EPHA4: variants seen among roughly 807,000 people sequenced by gnomAD.
EPHA4 encodes EPH receptor A4.
EPHA4 carries 19 observed loss-of-function variants against 108.3 expected under a neutral mutation model. That is an observed-to-expected ratio of 0.18 (90% CI 0.12 to 0.26). The LOEUF is 0.26. Ranked by LOEUF, EPHA4 falls within the 10% of genes least tolerant of loss-of-function variation. The pLI is 1.00. For missense variants in EPHA4, 917 were observed against 1,254.0 expected, an observed-to-expected ratio of 0.73 and a Z score of 4.06; for synonymous variants, 449 against 455.5, an observed-to-expected ratio of 0.99 and a Z score of 0.18.
At chr2:221,530,096 T>C (rs3956796) in intron 3 of EPHA4, among the ~76,000 whole-genome samples, 152,203 of 152,276 alleles carry the variant, frequency 1, 76,066 homozygotes, top group Middle Eastern at 1. Flanking sequence ...GGGGATCAGA[T>C]CTCATTAGAT....
intron 15 of EPHA4, among the ~76,000 whole-genome samples, chr2:221,427,139 T>C (rs1689935931): frequency 6.6e-6 from 1 of 152,176 alleles, no homozygotes; most frequent in Non-Finnish European, 1.5e-5. Context: ...ACAGGCAGGC[T>C]TGGGGCATTC....
intron 3 of EPHA4, among the ~76,000 whole-genome samples, chr2:221,551,676 T>C (rs1307238478): frequency 6.6e-6 from 1 of 152,162 alleles, no homozygotes; most frequent in Non-Finnish European, 1.5e-5. Context: ...AATTAGGTAC[T>C]TGGGCTTATT....
intron 4 of EPHA4, among the ~76,000 whole-genome samples, chr2:221,497,641 G>A (rs1692338353): frequency 6.6e-6 from 1 of 152,038 alleles, no homozygotes; most frequent in Non-Finnish European, 1.5e-5. Context: ...GGGAGGCTGA[G>A]GCAGGAGAAT....
At chr2:221,516,377 C>T (rs987728260) in intron 3 of EPHA4, among the ~76,000 whole-genome samples, 12 of 134,644 alleles carry the variant, frequency 8.9e-5, no homozygotes, top group Non-Finnish European at 1.4e-4. Context: ...TTTTTTGAGA[C>T]GCAGTCTTGC....
chr2:221,544,047 C>A (rs1397656643), intron 3 of EPHA4, among the ~76,000 whole-genome samples: 4 of 152,082 alleles, frequency 2.6e-5, no homozygotes, highest in African/African-American at 9.7e-5. Flanking sequence ...GACTAGCTAG[C>A]TCTCTGGGGT....
At chr2:221,421,875 A>C (rs2106084301) in intron 17 of EPHA4, 1 of 152,278 alleles carries the variant, frequency 6.6e-6, no homozygotes, top group Admixed American at 6.5e-5. Flanking sequence ...TAGAGAATAA[A>C]ATTTAATTTT....
chr2:221,443,570 T>A lies in EPHA4; in HGVS notation c.1811A>T (p.Asp604Val), dbSNP rs1158819805. ...RTYVDPFTYE[D>V]PNQAVREFAK... Reference sequence around the variant, plus strand: ...AAACTCTCGCACTGCTTGGTTGGGATCTTCGTACGTAAAGGGGTCCACATA... The same window carrying A: ...AAACTCTCGCACTGCTTGGTTGGGAACTTCGTACGTAAAGGGGTCCACATA... The change falls in exon 10 of 18, where the codon GAT becomes GTT. Residue 604 changes from aspartate (D) to valine (V), a missense_variant. Physicochemically the swap from Asp to Val is radical, Grantham distance 152. Around this residue, in one of 3 missense-constraint regions of EPHA4, gnomAD observed 758 missense variants for 1,076.7 expected, o/e 0.70. Coordinates refer to ENST00000281821, the MANE Select transcript of EPHA4 (RefSeq NM_004438.5). 6.2e-7 allele frequency: 1 copy of A among 1,613,866 alleles called. No individual in the cohort carries two copies. The highest frequency in any genetic ancestry group is 8.5e-7 in the Non-Finnish European group (1 of 1,179,956).
intron 3 of EPHA4, among the ~76,000 whole-genome samples, chr2:221,560,580 C>T (rs534795522): frequency 3.9e-5 from 6 of 152,122 alleles, no homozygotes; most frequent in Non-Finnish European, 5.9e-5. Flanking sequence ...TTCAACTCAA[C>T]GCTCTTAAAA....
chr2:221,557,237 C>T (rs952350112), intron 3 of EPHA4, among the ~76,000 whole-genome samples: 1 of 152,132 alleles, frequency 6.6e-6, no homozygotes, highest in Non-Finnish European at 1.5e-5. Flanking sequence ...TTGGTACCAT[C>T]GCTTCACTCT....
At chr2:221,489,353 C>T (rs779237648) in intron 4 of EPHA4, among the ~76,000 whole-genome samples, 5 of 152,268 alleles carry the variant, frequency 3.3e-5, no homozygotes, top group East Asian at 1.9e-4. Flanking sequence ...TTTCTCGTAA[C>T]GACTGGAATT....
intron 5 of EPHA4, among the ~76,000 whole-genome samples, chr2:221,466,566 G>A (rs979269872): frequency 3.3e-5 from 5 of 152,128 alleles, no homozygotes; most frequent in African/African-American, 9.7e-5. Flanking sequence ...AGTCCACCTG[G>A]CTCAAAAGTA....
At chr2:221,439,224 T>G (rs1350847800) in intron 11 of EPHA4, among the ~76,000 whole-genome samples, 1 of 152,036 alleles carries the variant, frequency 6.6e-6, no homozygotes, top group East Asian at 1.9e-4. Context: ...AAGTCTTTTC[T>G]CTACGCTGGC....
intron 4 of EPHA4, among the ~76,000 whole-genome samples, chr2:221,495,503 A>G (rs1348564772): frequency 1.3e-5 from 2 of 152,266 alleles, no homozygotes; most frequent in East Asian, 1.9e-4. Flanking sequence ...GTGCATGTGG[A>G]TGTTTAAAAA....
chr2:221,420,805 A>C (rs1434303594), intron 17 of EPHA4, among the ~76,000 whole-genome samples: 1 of 152,130 alleles, frequency 6.6e-6, no homozygotes, highest in Non-Finnish European at 1.5e-5. Context: ...CATTATATGG[A>C]TGAGGAAATT....
intron 5 of EPHA4, among the ~76,000 whole-genome samples, chr2:221,469,198 C>A (rs779187491): frequency 6.6e-6 from 1 of 152,240 alleles, no homozygotes; most frequent in African/African-American, 2.4e-5. Flanking sequence ...ATAAAAGGTA[C>A]TCAGTGTTAC....
intron 5 of EPHA4, among the ~76,000 whole-genome samples, chr2:221,477,195 T>G (rs1249373561): frequency 2.0e-5 from 3 of 152,146 alleles, no homozygotes; most frequent in Non-Finnish European, 4.4e-5. Flanking sequence ...AAAGGCCCTT[T>G]ACAACTGCCT....
chr2:221,435,900 A>G (rs1260077995), intron 13 of EPHA4, among the ~76,000 whole-genome samples: 1 of 151,372 alleles, frequency 6.6e-6, no homozygotes, highest in Non-Finnish European at 1.5e-5. Context: ...TTTTTTAAAG[A>G]ATAGAAAAAA....
chr2:221,484,721 A>G (rs1411301216), intron 4 of EPHA4, among the ~76,000 whole-genome samples: 2 of 152,234 alleles, frequency 1.3e-5, no homozygotes, highest in Non-Finnish European at 2.9e-5. Context: ...TATTTTAAAG[A>G]CGAGGAAGCT....
At chr2:221,547,361 T>C (rs778949877) in intron 3 of EPHA4, among the ~76,000 whole-genome samples, 3 of 152,256 alleles carry the variant, frequency 2.0e-5, no homozygotes, top group Non-Finnish European at 2.9e-5. Flanking sequence ...ACTTCTCATT[T>C]GGTTAAGCTG....
Sources: allele counts gnomAD v4.1 joint callset (sites outside exome capture counted in the v4.1 genomes callset), GRCh38; gene constraint gnomAD v4.1.1; regional missense constraint gnomAD v4.1.1; transcripts MANE v1.5; gene names NCBI Gene and HGNC (gene_info 2026-07-23, HGNC 2026-07-21).